Variants in DCAF8L2 observed in about 807,000 individuals in gnomAD.
DCAF8L2 encodes the protein DDB1 and CUL4 associated factor 8 like 2.
For synonymous variants in DCAF8L2, 200 were observed against 190.9 expected (o/e 1.05, Z -0.39); for missense variants, 430 against 490.7 (o/e 0.88, Z 1.17).
intron 1 of DCAF8L2, among the ~76,000 whole-genome samples, chrX:27,592,528 C>T (rs1926158251): frequency 9.2e-6 from 1 of 109,283 alleles, no homozygotes; most frequent in Non-Finnish European, 1.9e-5. Flanking sequence ...CCTCCGCCTC[C>T]TGGGTTCAAG....
chrX:27,642,342 C>T (rs1190029028), intron 2 of DCAF8L2, among the ~76,000 whole-genome samples: 1 of 111,204 alleles, frequency 9.0e-6, no homozygotes, highest in Admixed American at 9.6e-5. Flanking sequence ...ATCCTTCTGA[C>T]AAGTGCACCC....
At chrX:27,720,109 C>T (rs971881712) in intron 4 of DCAF8L2, among the ~76,000 whole-genome samples, 24 of 110,112 alleles carry the variant, frequency 2.2e-4, no homozygotes, top group Admixed American at 9.7e-5. Context: ...TACAGATATC[C>T]AATTGTTCCA....
intron 4 of DCAF8L2, among the ~76,000 whole-genome samples, chrX:27,742,484 G>A (rs945236396): frequency 2.8e-5 from 3 of 109,080 alleles, no homozygotes; most frequent in Admixed American, 9.8e-5. Context: ...CAGGAGAATC[G>A]CTTGAACCCG....
chrX:27,557,663 T>G, the DCAF8L2 span, among the ~76,000 whole-genome samples: 6 of 110,803 alleles, frequency 5.4e-5, no homozygotes, highest in African/African-American at 1.6e-4. Context: ...GCCTTCACAT[T>G]CCCGCTTTGC....
At chrX:27,704,511 G>T (rs1360867110) in intron 3 of DCAF8L2, among the ~76,000 whole-genome samples, 1 of 110,270 alleles carries the variant, frequency 9.1e-6, no homozygotes, top group Non-Finnish European at 1.9e-5. Context: ...TGCCAGGTAT[G>T]AAGAGGGGGA....
At chrX:27,741,780 T>C (rs1300444103) in intron 4 of DCAF8L2, among the ~76,000 whole-genome samples, 1 of 111,332 alleles carries the variant, frequency 9.0e-6, no homozygotes, top group Non-Finnish European at 1.9e-5. Context: ...GTTTACACCA[T>C]TACCAAAGAA....
the DCAF8L2 span, among the ~76,000 whole-genome samples, chrX:27,516,545 C>T: frequency 3.6e-5 from 4 of 109,826 alleles, no homozygotes; most frequent in Admixed American, 2.0e-4. Flanking sequence ...CTCAGCCATA[C>T]GACACCCCTC....
the DCAF8L2 span, among the ~76,000 whole-genome samples, chrX:27,487,264 CTTTTGTTTTGTTTTG>C: frequency 1.6e-4 from 17 of 105,704 alleles, 1 homozygote; most frequent in South Asian, 1.8e-3. Context: ...TCTGATTTTA[CTTTTGTTTTGTTTTG>C]TTTTGTTTTG....
the DCAF8L2 span, among the ~76,000 whole-genome samples, chrX:27,482,733 T>G: frequency 1.4e-4 from 15 of 111,063 alleles, no homozygotes; most frequent in Non-Finnish European, 2.6e-4. Context: ...AGAGGATAAC[T>G]TCCCTTGACT....
In DCAF8L2 at chrX:27,615,936, A is replaced by T. The variant is rs192720513; in HGVS notation, c.-341-15943A>T. On this transcript the variant is annotated intron_variant, in intron 1 of 4. Coordinates refer to ENST00000451261, the MANE Select transcript of DCAF8L2 (RefSeq NM_001353450.2). ...GCAGTGTTTTTTAATATTTTTATTT[A>T]AAAAATAGAGAAGATAATAAGATAG... Among the ~76,000 whole-genome samples the T allele has an allele frequency of 7.6e-3, 849 of 111,230 alleles. 9 individuals carry two copies. Among genetic ancestry groups the T allele is most frequent in the African/African-American group, 0.025 (780 of 30,788 alleles).
chrX:27,662,758 A>G (rs942718495), intron 2 of DCAF8L2, among the ~76,000 whole-genome samples: 3 of 111,654 alleles, frequency 2.7e-5, no homozygotes, highest in East Asian at 2.8e-4. Context: ...AATATCTTAC[A>G]AAATAGCCAT....
the DCAF8L2 span, among the ~76,000 whole-genome samples, chrX:27,579,041 C>G: frequency 8.9e-6 from 1 of 111,747 alleles, no homozygotes; most frequent in African/African-American, 3.3e-5. Context: ...TTTGACAAAG[C>G]AATCCCATTA....
intron 2 of DCAF8L2, 137 bp from the exon 3 acceptor site, chrX:27,677,699 C>T (rs1417877696): frequency 8.9e-6 from 1 of 111,762 alleles, no homozygotes; most frequent in Non-Finnish European, 1.9e-5. Flanking sequence ...GATTAAGAAT[C>T]GTGCTCTTTA....
At chrX:27,578,620 A>T in the DCAF8L2 span, among the ~76,000 whole-genome samples, 7 of 111,802 alleles carry the variant, frequency 6.3e-5, no homozygotes, top group Non-Finnish European at 7.5e-5. Context: ...TGAACAGGCA[A>T]CCTACAGAAA....
chrX:27,516,145 C>G, the DCAF8L2 span, among the ~76,000 whole-genome samples: 5 of 110,743 alleles, frequency 4.5e-5, no homozygotes, highest in Non-Finnish European at 9.5e-5. Flanking sequence ...TAGCTGAACC[C>G]CACAGAGTAA....
chrX:27,718,777 C>T (rs1168942151), intron 4 of DCAF8L2, among the ~76,000 whole-genome samples: 1 of 111,627 alleles, frequency 9.0e-6, no homozygotes, highest in African/African-American at 3.3e-5. Flanking sequence ...AGCCTGCTGG[C>T]TTTCCAAATG....
At chrX:27,521,299 G>A in the DCAF8L2 span, among the ~76,000 whole-genome samples, 3 of 112,064 alleles carry the variant, frequency 2.7e-5, no homozygotes, top group South Asian at 7.4e-4. Context: ...TGGTTGTACT[G>A]TATAAAGAAA....
At chrX:27,514,685 AAAAAAAAAAAC>A in the DCAF8L2 span, among the ~76,000 whole-genome samples, 174 of 65,339 alleles carry the variant, frequency 2.7e-3, 12 homozygotes, top group Admixed American at 3.8e-3. Flanking sequence ...AAAAAAAAAA[AAAAAAAAAAAC>A]AAAAAAAAAA....
chrX:27,588,293 C>A (rs747697685), upstream of DCAF8L2, among the ~76,000 whole-genome samples: 3 of 109,665 alleles, frequency 2.7e-5, no homozygotes, highest in Non-Finnish European at 5.7e-5. Flanking sequence ...GGATAATGGC[C>A]TCCAGCTGCA....
Sources: allele counts gnomAD v4.1 joint callset (sites outside exome capture counted in the v4.1 genomes callset), GRCh38; gene constraint gnomAD v4.1.1; transcripts MANE v1.5; gene names NCBI Gene and HGNC (gene_info 2026-07-23, HGNC 2026-07-21).